CSMD1: variants seen among roughly 807,000 people sequenced by gnomAD.
CSMD1 encodes CUB and sushi domain-containing protein 1.
Under a neutral mutation model 417.5 loss-of-function variants are expected in CSMD1, and 213 were observed. The observed-to-expected ratio is 0.51, with a 90% CI of 0.46 to 0.57. The LOEUF (loss-of-function observed/expected upper bound fraction) is 0.57. CSMD1 is among the 20% of genes least tolerant of loss of function. The pLI, the probability that CSMD1 is intolerant of heterozygous loss-of-function variation, is 0.00. For synonymous variants in CSMD1, 2,862 were observed against 1,736.8 expected (o/e 1.65, Z -16.11); for missense variants, 6,923 against 4,529.7 (o/e 1.53, Z -15.17).
chr8:3,242,951 C>G (rs150143703), intron 26 of CSMD1, among the ~76,000 whole-genome samples: 1 of 152,076 alleles, frequency 6.6e-6, no homozygotes, highest in Non-Finnish European at 1.5e-5. Context: ...GGTGAACAAT[C>G]AGAGAGATGT....
At chr8:3,778,197 C>A (rs1798996586) in intron 5 of CSMD1, among the ~76,000 whole-genome samples, 1 of 152,194 alleles carries the variant, frequency 6.6e-6, no homozygotes, top group African/African-American at 2.4e-5. Flanking sequence ...GGGACGGGAT[C>A]CTGGCCGTTT....
chr8:4,301,731 G>T (rs1396561657), intron 3 of CSMD1, among the ~76,000 whole-genome samples: 1 of 152,148 alleles, frequency 6.6e-6, no homozygotes, highest in African/African-American at 2.4e-5. Context: ...GTTGCTGTGG[G>T]TTTCATCTTC....
chr8:4,689,493 G>T (rs1018612493), intron 1 of CSMD1, among the ~76,000 whole-genome samples: 7 of 152,096 alleles, frequency 4.6e-5, no homozygotes, highest in Non-Finnish European at 8.8e-5. Context: ...TCTTTATGAC[G>T]TATTTCTTGG....
intron 10 of CSMD1, among the ~76,000 whole-genome samples, chr8:3,565,000 G>T (rs1225243624): frequency 7.7e-6 from 1 of 130,622 alleles, no homozygotes. Context: ...TAATACCTAG[G>T]TGATGGGAAG....
chr8:3,492,173 G>A (rs1471253893), intron 11 of CSMD1, among the ~76,000 whole-genome samples: 1 of 150,278 alleles, frequency 6.7e-6, no homozygotes, highest in Non-Finnish European at 1.5e-5. Flanking sequence ...GTGGGTTTCA[G>A]GAGAAGCCAA....
intron 11 of CSMD1, among the ~76,000 whole-genome samples, chr8:3,485,636 G>A (rs370983303): frequency 6.6e-6 from 1 of 151,574 alleles, no homozygotes; most frequent in African/African-American, 2.4e-5. Flanking sequence ...GGCGCATGCT[G>A]GTTATCCCAG....
chr8:4,851,924 C>G (rs1642488189), intron 1 of CSMD1, among the ~76,000 whole-genome samples: 1 of 152,184 alleles, frequency 6.6e-6, no homozygotes, highest in African/African-American at 2.4e-5. Flanking sequence ...ACTCTTCATT[C>G]TCCCTCTGCC....
intron 2 of CSMD1, among the ~76,000 whole-genome samples, chr8:4,439,973 A>C (rs1798372689): frequency 6.6e-6 from 1 of 152,194 alleles, no homozygotes; most frequent in Non-Finnish European, 1.5e-5. Context: ...CCTGGCCTGC[A>C]CACTTCACCA....
At chr8:3,807,830 C>T (rs765802156) in intron 5 of CSMD1, among the ~76,000 whole-genome samples, 1 of 152,148 alleles carries the variant, frequency 6.6e-6, no homozygotes, top group East Asian at 1.9e-4. Flanking sequence ...GATCCTAGCA[C>T]ATTTACAAAT....
intron 3 of CSMD1, among the ~76,000 whole-genome samples, chr8:4,236,553 C>G (rs1054908142): frequency 6.6e-6 from 1 of 152,112 alleles, no homozygotes; most frequent in East Asian, 1.9e-4. Context: ...TAGAAAAATT[C>G]AACGTGATAG....
At chr8:4,765,488 C>A (rs1371351551) in intron 1 of CSMD1, among the ~76,000 whole-genome samples, 1 of 152,070 alleles carries the variant, frequency 6.6e-6, no homozygotes, top group Non-Finnish European at 1.5e-5. Flanking sequence ...TTTGCAGATG[C>A]CTATTTAGTT....
chr8:4,196,808 G>C (rs1475846538), intron 3 of CSMD1, among the ~76,000 whole-genome samples: 1 of 152,050 alleles, frequency 6.6e-6, no homozygotes, highest in African/African-American at 2.4e-5. Context: ...AGGCTCCAGG[G>C]ATTAAGGAAT....
At chr8:4,743,912 G>A (rs1273419580) in intron 1 of CSMD1, among the ~76,000 whole-genome samples, 1 of 152,162 alleles carries the variant, frequency 6.6e-6, no homozygotes, top group African/African-American at 2.4e-5. Flanking sequence ...GCCGATTAAA[G>A]CTAGAAGTTT....
intron 3 of CSMD1, among the ~76,000 whole-genome samples, chr8:4,351,138 G>A (rs114868997): frequency 0.027 from 4,047 of 151,108 alleles, 58 homozygotes; most frequent in Middle Eastern, 0.034. Context: ...GGGCAACATA[G>A]CAAGGTCCCA....
At chr8:3,179,090 G>GGC (rs58332219) in intron 37 of CSMD1, among the ~76,000 whole-genome samples, 6,055 of 151,226 alleles carry the variant, frequency 0.04, 147 homozygotes, top group South Asian at 0.092. Context: ...TGGGACTACA[G>GGC]GCCCGCCACC....
intron 25 of CSMD1, among the ~76,000 whole-genome samples, chr8:3,287,105 A>G (rs189524236): frequency 1.1e-4 from 16 of 150,448 alleles, no homozygotes; most frequent in Non-Finnish European, 1.5e-4. Context: ...GCTTGTTTTT[A>G]TCAGGTTTGT....
chr8:3,593,424 C>T (rs369669266), intron 8 of CSMD1, among the ~76,000 whole-genome samples: 2 of 152,274 alleles, frequency 1.3e-5, no homozygotes, highest in South Asian at 2.1e-4. Context: ...GCCTCCAGGG[C>T]AGAGGCCTAG....
At chr8:4,510,830 C>G (rs1802783896) in intron 2 of CSMD1, among the ~76,000 whole-genome samples, 2 of 137,496 alleles carry the variant, frequency 1.5e-5, no homozygotes, top group African/African-American at 5.5e-5. Flanking sequence ...CCCTTCCTCT[C>G]TTCCTCCCTC....
intron 36 of CSMD1, among the ~76,000 whole-genome samples, chr8:3,185,937 G>A (rs909368240): frequency 1.3e-5 from 2 of 151,980 alleles, no homozygotes; most frequent in Admixed American, 6.5e-5. Context: ...GTGACTTGAA[G>A]GATTTCCTGT....
Sources: allele counts gnomAD v4.1 joint callset (sites outside exome capture counted in the v4.1 genomes callset), GRCh38; gene constraint gnomAD v4.1.1; transcripts MANE v1.5; gene names NCBI Gene and HGNC (gene_info 2026-07-23, HGNC 2026-07-21).